The following ZBTB20 variants were observed in gnomAD, a reference collection of about 807,000 sequenced individuals.
The protein encoded by ZBTB20 is zinc finger and BTB domain containing 20.
ZBTB20 carries 9 observed loss-of-function variants against 56.9 expected under a neutral mutation model. The observed-to-expected ratio is 0.16, with a 90% CI of 0.10 to 0.28. The LOEUF is 0.28. Ranked by LOEUF, ZBTB20 falls within the 10% of genes least tolerant of loss-of-function variation. The probability of loss-of-function intolerance (pLI) is 1.00; values close to 1 mark genes in which losing one functional copy is unlikely to be tolerated. For missense variants in ZBTB20, 655 were observed against 1,003.0 expected (o/e 0.65, Z 4.69); for synonymous variants, 417 against 420.7 (o/e 0.99, Z 0.11).
rs147440434 is a variant in ZBTB20 at position 115,125,209 on chromosome 3, G to A, written c.-703+22010C>T. Among the ~76,000 whole-genome samples, 36 of 152,114 alleles carry A rather than the reference G, an allele frequency of 2.4e-4. 1 individual carries two copies. In the East Asian group the frequency reaches 6.6e-3, roughly 28 times the overall value. Reference sequence around the variant, plus strand: ...AATTAAAAAATTAACTGAGCATGGTGGCATGCGCCTGTAGTCCCAGCTACG... The same window carrying A: ...AATTAAAAAATTAACTGAGCATGGTAGCATGCGCCTGTAGTCCCAGCTACG... On this transcript the variant is annotated intron_variant, in intron 1 of 11. Transcript: ENST00000675478.
At chr3:114,501,998 G>A (rs529045079) in intron 6 of ZBTB20, among the ~76,000 whole-genome samples, 3 of 152,086 alleles carry the variant, frequency 2.0e-5, no homozygotes, top group Admixed American at 6.5e-5. Flanking sequence ...GTGAGCCACC[G>A]TGCCCAGACC....
chr3:115,091,641 G>T (rs1165103269), intron 1 of ZBTB20, among the ~76,000 whole-genome samples: 1 of 150,730 alleles, frequency 6.6e-6, no homozygotes, highest in East Asian at 1.9e-4. Flanking sequence ...AAGTAAAAAG[G>T]CTCCAAACTT....
chr3:115,067,610 C>A (rs1235384090), intron 2 of ZBTB20, among the ~76,000 whole-genome samples: 1 of 151,898 alleles, frequency 6.6e-6, no homozygotes, highest in South Asian at 2.1e-4. Context: ...CACAGCACAT[C>A]CCTCTGATAC....
At chr3:114,372,897 C>T (rs938398907) in intron 10 of ZBTB20, among the ~76,000 whole-genome samples, 1 of 152,068 alleles carries the variant, frequency 6.6e-6, no homozygotes, top group Non-Finnish European at 1.5e-5. Context: ...TGATCAAAAT[C>T]ATCACTAGGT....
At chr3:114,894,346 C>A (rs1160003803) in intron 4 of ZBTB20, among the ~76,000 whole-genome samples, 1 of 152,008 alleles carries the variant, frequency 6.6e-6, no homozygotes, top group Non-Finnish European at 1.5e-5. Context: ...TATACATATA[C>A]ACTCACATAA....
chr3:114,476,970 A>G (rs2040844913), intron 7 of ZBTB20, among the ~76,000 whole-genome samples: 1 of 152,190 alleles, frequency 6.6e-6, no homozygotes, highest in Admixed American at 6.5e-5. Context: ...CATTTGAAAA[A>G]TGGGTATAAT....
intron 2 of ZBTB20, among the ~76,000 whole-genome samples, chr3:115,055,730 T>C (rs1205208622): frequency 6.6e-6 from 1 of 152,158 alleles, no homozygotes; most frequent in African/African-American, 2.4e-5. Context: ...ATTATAACTA[T>C]CATTATCAAT....
intron 1 of ZBTB20, among the ~76,000 whole-genome samples, chr3:115,109,571 A>C (rs989091820): frequency 8.5e-5 from 13 of 152,216 alleles, no homozygotes; most frequent in Admixed American, 7.9e-4. Context: ...AGAGGCCCAA[A>C]GACACAGACC....
intron 5 of ZBTB20, among the ~76,000 whole-genome samples, chr3:114,740,780 C>A (rs890373431): frequency 2.6e-5 from 4 of 152,126 alleles, no homozygotes; most frequent in Non-Finnish European, 5.9e-5. Context: ...CACTAAAATA[C>A]ATTTTTCCAA....
intron 11 of ZBTB20, among the ~76,000 whole-genome samples, chr3:114,343,532 G>A (rs1024712635): frequency 5.3e-5 from 8 of 152,216 alleles, no homozygotes. Flanking sequence ...AGGCAGCAAG[G>A]AAGGAGGAGA....
At chr3:114,434,211 G>T (rs115777875) in intron 7 of ZBTB20, among the ~76,000 whole-genome samples, 173 of 152,098 alleles carry the variant, frequency 1.1e-3, no homozygotes, top group Middle Eastern at 3.4e-3. Flanking sequence ...CAGGGCTTCA[G>T]TCTTCCAAAT....
intron 7 of ZBTB20, among the ~76,000 whole-genome samples, chr3:114,490,184 G>A (rs1187835914): frequency 4.6e-5 from 7 of 151,990 alleles, no homozygotes; most frequent in Non-Finnish European, 1.0e-4. Context: ...ATCTTGTGTA[G>A]TTAATATGCT....
intron 7 of ZBTB20, among the ~76,000 whole-genome samples, chr3:114,482,109 G>T (rs972319658): frequency 5.3e-5 from 8 of 152,132 alleles, no homozygotes; most frequent in African/African-American, 1.9e-4. Flanking sequence ...ATGGACTTAA[G>T]ATAACCTCAC....
At chr3:114,965,277 G>A (rs572497344) in intron 3 of ZBTB20, among the ~76,000 whole-genome samples, 4 of 151,912 alleles carry the variant, frequency 2.6e-5, no homozygotes, top group Non-Finnish European at 4.4e-5. Context: ...TATTTTTAAC[G>A]CATGCCTTAC....
At chr3:115,020,913 G>C (rs1475728417) in intron 2 of ZBTB20, among the ~76,000 whole-genome samples, 1 of 150,776 alleles carries the variant, frequency 6.6e-6, no homozygotes, top group Non-Finnish European at 1.5e-5. Flanking sequence ...ACCACTATGA[G>C]GCAGAACATT....
intron 5 of ZBTB20, among the ~76,000 whole-genome samples, chr3:114,695,733 T>C (rs964453838): frequency 2.0e-5 from 3 of 152,084 alleles, no homozygotes; most frequent in Non-Finnish European, 4.4e-5. Flanking sequence ...ATATTAAAAT[T>C]ACATCATAAA....
At chr3:114,448,250 G>A (rs997522089) in intron 7 of ZBTB20, among the ~76,000 whole-genome samples, 1 of 151,294 alleles carries the variant, frequency 6.6e-6, no homozygotes, top group African/African-American at 2.4e-5. Context: ...GCTTCAGCAA[G>A]CCAAAAAAGT....
intron 1 of ZBTB20, among the ~76,000 whole-genome samples, chr3:115,076,282 C>T (rs932752693): frequency 6.6e-6 from 1 of 152,076 alleles, no homozygotes. Context: ...AAGATTGAGG[C>T]ATCACATTTT....
intron 3 of ZBTB20, among the ~76,000 whole-genome samples, chr3:114,973,834 C>A (rs77081051): frequency 6.2e-4 from 94 of 152,212 alleles, no homozygotes; most frequent in Non-Finnish European, 7.1e-4. Flanking sequence ...CACAATGCAG[C>A]CACACGAGTC....
Sources: allele counts gnomAD v4.1 joint callset (sites outside exome capture counted in the v4.1 genomes callset), GRCh38; gene constraint gnomAD v4.1.1; transcripts MANE v1.5; gene names NCBI Gene and HGNC (gene_info 2026-07-23, HGNC 2026-07-21).